The following SLC39A10 variants were observed in gnomAD, a reference collection of about 807,000 sequenced individuals.
The protein encoded by SLC39A10 is zinc transporter ZIP10.
A neutral mutation model predicts 65.1 loss-of-function variants in SLC39A10; 13 were observed. The ratio of observed to expected loss-of-function variants is 0.20; its 90% confidence interval spans 0.13 to 0.32. SLC39A10 has a LOEUF of 0.32. Among genes scored for constraint, SLC39A10 ranks in the 10% least tolerant of loss-of-function variants. The pLI is 1.00. For missense variants in SLC39A10, 831 were observed against 1,018.4 expected, an observed-to-expected ratio of 0.82 and a Z score of 2.50; for synonymous variants, 321 against 342.2, an observed-to-expected ratio of 0.94 and a Z score of 0.68.
intron 5 of SLC39A10, 75 bp from the exon 6 acceptor site, chr2:195,713,358 A>G (rs1435459176): frequency 5.7e-6 from 7 of 1,218,296 alleles, no homozygotes; most frequent in Admixed American, 3.0e-5. Context: ...GTAGGTGTTA[A>G]TGAGTCAATA....
rs59116021 is a variant in SLC39A10 at position 195,728,926 on chromosome 2, C to CT, written c.2337+587dup. 2.0e-5 allele frequency among the ~76,000 whole-genome samples: 3 copies of CT among 150,190 alleles called. No homozygotes were observed. The highest frequency in any genetic ancestry group is 7.4e-5 in the African/African-American group (3 of 40,772). On this transcript the variant is annotated intron_variant, in intron 9 of 9. Transcript: ENST00000359634. The surrounding 1 kb of genome is among the most constrained non-coding windows in gnomAD (Gnocchi z 4.4). ...TTTGTTTGACTAGATAGGACATTTACTTTTTTTTTTCTGGTAAGATCACAG... is the reference window on the plus strand; with the variant it reads ...TTTGTTTGACTAGATAGGACATTTACTTTTTTTTTTTCTGGTAAGATCACAG...
upstream of SLC39A10, chr2:195,656,953 A>T (rs1452197086): frequency 6.6e-6 from 1 of 152,236 alleles, no homozygotes; most frequent in East Asian, 1.9e-4. Flanking sequence ...GAGCCACGGA[A>T]CTCCGCAGTT....
At chr2:195,640,638 C>T (rs970904875) in intron 2 of SLC39A10, among the ~76,000 whole-genome samples, 1 of 152,110 alleles carries the variant, frequency 6.6e-6, no homozygotes. Flanking sequence ...ATTTAAATTC[C>T]TGCAAAGACT....
chr2:195,706,504 G>A, intron 3 of SLC39A10, 112 bp from the exon 4 acceptor site: 1 of 983,226 alleles, frequency 1.0e-6, no homozygotes, highest in Admixed American at 3.0e-5. Context: ...TTCATAATCT[G>A]GGTAAAATAG....
upstream of SLC39A10, chr2:195,657,150 G>A (rs1332665215): frequency 6.5e-6 from 1 of 154,690 alleles, no homozygotes; most frequent in East Asian, 1.9e-4. Flanking sequence ...TACGCCGCAA[G>A]CGTAGCAGGG....
At chr2:195,644,404 C>T (rs111261738) in intron 2 of SLC39A10, among the ~76,000 whole-genome samples, 24,868 of 148,302 alleles carry the variant, frequency 0.17, 2,289 homozygotes, top group East Asian at 0.35. Flanking sequence ...TGCAGTGGCA[C>T]GATCTCGGCT....
chr2:195,617,192 T>C (rs1047405964), intron 2 of SLC39A10, among the ~76,000 whole-genome samples: 3 of 152,212 alleles, frequency 2.0e-5, no homozygotes, highest in Non-Finnish European at 4.4e-5. Context: ...ATTTCATATA[T>C]GATATAAGGC....
chr2:195,718,842 C>T (rs1412316359), intron 8 of SLC39A10, among the ~76,000 whole-genome samples: 2 of 151,988 alleles, frequency 1.3e-5, no homozygotes, highest in Non-Finnish European at 2.9e-5. Context: ...GTTCTTAACT[C>T]GGTTACTAAC....
At chr2:195,662,852 C>T (rs974592140) in intron 1 of SLC39A10, among the ~76,000 whole-genome samples, 2 of 152,120 alleles carry the variant, frequency 1.3e-5, no homozygotes, top group African/African-American at 4.8e-5. Context: ...GCTGCTCTTG[C>T]GGTAAAATAC....
intron 2 of SLC39A10, among the ~76,000 whole-genome samples, chr2:195,647,292 T>A (rs964507374): frequency 3.4e-5 from 5 of 146,852 alleles, no homozygotes; most frequent in Non-Finnish European, 7.4e-5. Flanking sequence ...TTGCCCATGA[T>A]CACGTCACTT....
At chr2:195,689,988 C>T (rs552294637) in intron 3 of SLC39A10, among the ~76,000 whole-genome samples, 70 of 152,000 alleles carry the variant, frequency 4.6e-4, no homozygotes, top group African/African-American at 1.6e-3. Context: ...ACCAGCCTGA[C>T]CAACATGGTG....
At position 195,716,846 on chromosome 2, in the gene SLC39A10, C is replaced by G; in HGVS notation, c.1906C>G (p.Leu636Val). ...CCACCACGGCGAGAACAAAACTGTGCTGAGGAAGCATAATCACCAGTGGCA... is the reference window on the plus strand; with the variant it reads ...CCACCACGGCGAGAACAAAACTGTGGTGAGGAAGCATAATCACCAGTGGCA... ...HNHHGENKTV[L>V]RKHNHQWHHK... Residue 636 changes from leucine to valine, a missense_variant, in exon 7 of 10, where the codon CTG becomes GTG. Leu to Val is a conservative substitution (Grantham distance 32). Coordinates refer to ENST00000359634, the MANE Select transcript of SLC39A10 (RefSeq NM_020342.3). 5.0e-6 allele frequency: 8 copies of G among 1,614,164 alleles called. No homozygotes were observed. The highest frequency in any genetic ancestry group is 6.8e-6 in the Non-Finnish European group (8 of 1,180,024).
chr2:195,731,587 A>G (rs1229389536), intron 9 of SLC39A10, among the ~76,000 whole-genome samples: 1 of 152,232 alleles, frequency 6.6e-6, no homozygotes, highest in East Asian at 1.9e-4. Context: ...AACACTAGAA[A>G]GTTACAGATA....
intron 9 of SLC39A10, 134 bp from the exon 10 acceptor site, chr2:195,734,749 T>C: frequency 2.4e-6 from 2 of 844,400 alleles, no homozygotes; most frequent in Non-Finnish European, 3.5e-6. Context: ...TGGGTAGCAT[T>C]GTGTTCAATA....
chr2:195,733,526 ACTTTT>A (rs1428658218), intron 9 of SLC39A10, among the ~76,000 whole-genome samples: 7 of 151,752 alleles, frequency 4.6e-5, no homozygotes, highest in African/African-American at 7.3e-5. Context: ...AAGTATATAA[ACTTTT>A]CTTTTCTTTT....
intron 1 of SLC39A10, among the ~76,000 whole-genome samples, chr2:195,678,733 GAA>G (rs1690191178): frequency 2.6e-5 from 4 of 152,062 alleles, no homozygotes; most frequent in Admixed American, 6.5e-5. Flanking sequence ...TTGAGCACTT[GAA>G]ATACAGTTAG....
At position 195,716,811 on chromosome 2, in the gene SLC39A10, C is replaced by T. The variant is rs770542007; in HGVS notation, c.1871C>T (p.Ala624Val). Residue 624 changes from alanine (A) to valine (V), a missense_variant, in exon 7 of 10, where the codon GCT becomes GTT. This residue lies in a region of SLC39A10 where 230 missense variants were observed against 242.9 expected (regional missense o/e 0.95). Coordinates refer to ENST00000359634, the MANE Select transcript of SLC39A10 (RefSeq NM_020342.3). ...HTIHEHDLHAAAHNHHGENKT... is the reference protein window; with the variant it reads ...HTIHEHDLHAVAHNHHGENKT... ...ATTCATGAGCATGATCTCCATGCTG[C>T]TGCACATAACCACCACGGCGAGAAC... The T allele has an allele frequency of 7.4e-6, 12 of 1,614,036 alleles. No individual in the cohort carries two copies. Among genetic ancestry groups the T allele is most frequent in the Non-Finnish European group, 1.0e-5 (12 of 1,180,016 alleles).
At chr2:195,646,546 G>T (rs1380125088) in intron 2 of SLC39A10, among the ~76,000 whole-genome samples, 1 of 152,166 alleles carries the variant, frequency 6.6e-6, no homozygotes, top group Non-Finnish European at 1.5e-5. Flanking sequence ...AGGCTCTAAG[G>T]AGGAATCCAT....
chr2:195,734,832 T>G (rs769140252), intron 9 of SLC39A10, 51 bp from the exon 10 acceptor site: 2 of 1,497,974 alleles, frequency 1.3e-6, no homozygotes, highest in Admixed American at 2.4e-5. Context: ...TTAAAAACTG[T>G]TTTGAGCAGA....
Sources: gnomAD v4.1 joint callset for allele counts (sites outside exome capture counted in the v4.1 genomes callset) on GRCh38, gnomAD v4.1.1 for gene constraint, gnomAD v4.1.1 regional missense constraint, Gnocchi (gnomAD v3.1) non-coding constraint, MANE v1.5 for transcripts, NCBI Gene and HGNC (gene_info 2026-07-23, HGNC 2026-07-21) for gene names.